The following DAB2IP variants were observed in gnomAD, a reference collection of about 807,000 sequenced individuals.
DAB2IP encodes DAB2 interacting protein, also known as disabled homolog 2-interacting protein.
A neutral mutation model predicts 107.2 loss-of-function variants in DAB2IP; 28 were observed. That is an observed-to-expected ratio of 0.26 (90% CI 0.19 to 0.36). The LOEUF is 0.36. Among genes scored for constraint, DAB2IP ranks in the 10% least tolerant of loss-of-function variants. The probability of loss-of-function intolerance (pLI) is 1.00; values close to 1 mark genes in which losing one functional copy is unlikely to be tolerated. For missense variants in DAB2IP, 1,400 were observed against 1,644.7 expected (o/e 0.85, Z 2.57); for synonymous variants, 755 against 706.4 (o/e 1.07, Z -1.09).
At chr9:121,592,065 T>G (rs1165801360) in intron 1 of DAB2IP, among the ~76,000 whole-genome samples, 1 of 152,014 alleles carries the variant, frequency 6.6e-6, no homozygotes, top group Non-Finnish European at 1.5e-5. Flanking sequence ...CCGAGAGCCA[T>G]TAGGAAATAC....
At chr9:121,674,821 G>T (rs1428130202) in intron 1 of DAB2IP, among the ~76,000 whole-genome samples, 2 of 152,076 alleles carry the variant, frequency 1.3e-5, no homozygotes. Context: ...TGCACCTCTT[G>T]CCTGGAGTGG....
intron 1 of DAB2IP, among the ~76,000 whole-genome samples, chr9:121,626,805 A>T (rs1831665089): frequency 6.6e-6 from 1 of 152,178 alleles, no homozygotes; most frequent in Non-Finnish European, 1.5e-5. Context: ...GCACAGGAAG[A>T]TTCAACCTGG....
chr9:121,656,899 T>C (rs540512773), intron 1 of DAB2IP, among the ~76,000 whole-genome samples: 20 of 152,336 alleles, frequency 1.3e-4, no homozygotes, highest in African/African-American at 4.3e-4. Flanking sequence ...CACCTTGCGA[T>C]ATCCGTGGGC....
chr9:121,744,227 C>T (rs1832557197), intron 3 of DAB2IP, among the ~76,000 whole-genome samples: 2 of 152,202 alleles, frequency 1.3e-5, no homozygotes, highest in South Asian at 4.1e-4. Flanking sequence ...TCCCTTCCTG[C>T]TTCCACTCCC....
At chr9:121,652,082 G>A (rs1055495192) in intron 1 of DAB2IP, among the ~76,000 whole-genome samples, 183 bp downstream of exon 1, 4 of 152,146 alleles carry the variant, frequency 2.6e-5, no homozygotes, top group Admixed American at 2.6e-4. Context: ...TCCTCTCGCC[G>A]GGGGAAGCCG....
At chr9:121,569,534 AG>A (rs1178923071) in intron 1 of DAB2IP, among the ~76,000 whole-genome samples, 1 of 152,248 alleles carries the variant, frequency 6.6e-6, no homozygotes, top group Non-Finnish European at 1.5e-5. Context: ...AAATTAAAAC[AG>A]AAGGCTGGGC....
rs761839130 is a variant in DAB2IP at position 121,773,280 on chromosome 9, G to A, written c.2752G>A (p.Asp918Asn). 10 of 1,533,434 alleles carry A rather than the reference G, an allele frequency of 6.5e-6. No individual in the cohort carries two copies. In the South Asian group the frequency reaches 8.5e-5, roughly 13 times the overall value. 95.0% of individuals were successfully genotyped at this position (1,533,434 alleles called of 1,614,324 possible). ...CAGTGCTGGCCCCCAGAGGAGGATC[G>A]ACCAGCCTCCGCCCCCACCCCCGCC... Residue 918 changes from aspartate to asparagine, a missense_variant, in exon 12 of 16, where the codon GAC becomes AAC. Coordinates refer to ENST00000408936, the Ensembl canonical transcript of DAB2IP.
In DAB2IP at chr9:121,699,229, G is replaced by C. The variant is rs1053698727; in HGVS notation, c.229-96G>C. ...AGCCCGGCCCGCCCTCGGCCGCGCG[G>C]CCGCCCAGCAAGGGTGCGGGTCCCG... is the stretch of plus-strand genomic sequence containing the variant. On this transcript the variant is annotated intron_variant, in intron 2 of 15. Coordinates refer to ENST00000408936, the Ensembl canonical transcript of DAB2IP. This position sits in a 1 kb window ranked among gnomAD's most constrained non-coding sequence, Gnocchi z 6.2. 1.9e-6 allele frequency: 2 copies of C among 1,032,168 alleles called. No individual in the cohort carries two copies. The highest frequency in any genetic ancestry group is 3.5e-5 in the African/African-American group (2 of 57,324). 63.9% of individuals were successfully genotyped at this position (1,032,168 alleles called of 1,614,324 possible).
intron 1 of DAB2IP, among the ~76,000 whole-genome samples, chr9:121,637,382 G>A (rs953741747): frequency 2.0e-5 from 3 of 152,290 alleles, no homozygotes; most frequent in East Asian, 1.9e-4. Context: ...AAGCCACTTC[G>A]TCCGTGAAAC....
intron 1 of DAB2IP, among the ~76,000 whole-genome samples, chr9:121,621,746 A>C (rs1831473119): frequency 4.1e-5 from 6 of 145,274 alleles, no homozygotes; most frequent in Admixed American, 3.5e-4. Context: ...AGCATTTTTC[A>C]AGCAATTCTC....
chr9:121,681,398 A>G (rs1172478346), intron 2 of DAB2IP, among the ~76,000 whole-genome samples: 1 of 152,172 alleles, frequency 6.6e-6, no homozygotes, highest in Non-Finnish European at 1.5e-5. Context: ...TTTTCCCTGT[A>G]GTGGTGTCTT....
At chr9:121,686,977 G>C (rs988052800) in intron 2 of DAB2IP, among the ~76,000 whole-genome samples, 5 of 152,192 alleles carry the variant, frequency 3.3e-5, no homozygotes, top group African/African-American at 1.2e-4. Context: ...TAGGGGACCA[G>C]AGACCAAGTT....
intron 1 of DAB2IP, among the ~76,000 whole-genome samples, chr9:121,672,744 G>A (rs574561753): frequency 7.2e-5 from 11 of 152,254 alleles, no homozygotes; most frequent in South Asian, 2.1e-4. Flanking sequence ...GGTCTGGGGC[G>A]CACTCTTAAG....
In DAB2IP at chr9:121,782,399, G is replaced by GAGGTAC. The variant is rs1259386155; in HGVS notation, c.3474_3479dup (p.Arg1158_Tyr1159dup). 1 of 1,614,118 alleles carries GAGGTAC rather than the reference G, an allele frequency of 6.2e-7. No individual in the cohort carries two copies. The highest frequency in any genetic ancestry group is 8.5e-7 in the Non-Finnish European group (1 of 1,179,996). ...TGAGTGCCCTGACCCAGCTGAAAGA[G>GAGGTAC]AGGTACAGCATGCAAGCCCGTAACG... On this transcript the variant is annotated inframe_insertion, in exon 16 of 16. Transcript: ENST00000408936. The surrounding 1 kb of genome is among the most constrained non-coding windows in gnomAD (Gnocchi z 6.1).
intron 11 of DAB2IP, among the ~76,000 whole-genome samples, chr9:121,771,951 GGGGAGGGGCCA>G (rs1390060611): frequency 2.0e-5 from 3 of 151,904 alleles, no homozygotes; most frequent in African/African-American, 7.3e-5. Context: ...GCTAGCTTCT[GGGGAGGGGCCA>G]GGGAGAGGCC....
chr9:121,641,815 C>A (rs1832295848), intron 1 of DAB2IP, among the ~76,000 whole-genome samples: 1 of 151,916 alleles, frequency 6.6e-6, no homozygotes, highest in Non-Finnish European at 1.5e-5. Flanking sequence ...TTCTTTCCTT[C>A]TTCCTTCCTC....
chr9:121,577,774 C>CG (rs71266569), intron 1 of DAB2IP, among the ~76,000 whole-genome samples: 6,747 of 152,198 alleles, frequency 0.044, 244 homozygotes, highest in South Asian at 0.08. Flanking sequence ...TCTTAGGTGG[C>CG]GGTGGAGGGC....
chr9:121,658,166 A>G (rs1354022561), intron 1 of DAB2IP, among the ~76,000 whole-genome samples: 1 of 152,172 alleles, frequency 6.6e-6, no homozygotes, highest in Admixed American at 6.5e-5. Context: ...CCCAGGCTGC[A>G]TACGTGTTTT....
intron 3 of DAB2IP, among the ~76,000 whole-genome samples, chr9:121,716,518 C>G (rs1448812930): frequency 6.6e-6 from 1 of 152,234 alleles, no homozygotes; most frequent in Admixed American, 6.5e-5. Context: ...TTGTCCTGCT[C>G]AGGTTCCATT....
Sources: allele counts gnomAD v4.1 joint callset (sites outside exome capture counted in the v4.1 genomes callset), GRCh38; gene constraint gnomAD v4.1.1; non-coding constraint Gnocchi (gnomAD v3.1); transcripts MANE v1.5; gene names NCBI Gene and HGNC (gene_info 2026-07-23, HGNC 2026-07-21).